The following CPEB3 variants were observed in gnomAD, a reference collection of about 807,000 sequenced individuals.
The protein encoded by CPEB3 is cytoplasmic polyadenylation element binding protein 3.
Under a neutral mutation model 67.2 loss-of-function variants are expected in CPEB3, and 20 were observed. That is an observed-to-expected ratio of 0.30 (90% CI 0.21 to 0.43). CPEB3 has a LOEUF of 0.43. Ranked by LOEUF, CPEB3 falls within the 20% of genes least tolerant of loss-of-function variation. The pLI, the probability that CPEB3 is intolerant of heterozygous loss-of-function variation, is 1.00. For synonymous variants in CPEB3, 376 were observed against 393.1 expected, an observed-to-expected ratio of 0.96 and a Z score of 0.51; for missense variants, 746 against 968.6, an observed-to-expected ratio of 0.77 and a Z score of 3.05.
At chr10:92,201,645 T>G (rs551345683) in intron 2 of CPEB3, among the ~76,000 whole-genome samples, 13 of 152,200 alleles carry the variant, frequency 8.5e-5, no homozygotes, top group Non-Finnish European at 1.3e-4. Flanking sequence ...CCCAAATCAT[T>G]GGGTTGTTAG....
chr10:92,261,177 T>C (rs986163142), intron 1 of CPEB3, among the ~76,000 whole-genome samples: 1 of 152,196 alleles, frequency 6.6e-6, no homozygotes, highest in Admixed American at 6.5e-5. Context: ...TTGTGTAATA[T>C]CAGTGTCTTA....
At position 92,240,371 on chromosome 10, in the gene CPEB3, G is replaced by GA. The variant is rs1295419618; in HGVS notation, c.-11-11dup. The GA allele has an allele frequency of 7.0e-6, 10 of 1,438,352 alleles. No homozygotes were observed. The highest frequency in any genetic ancestry group is 6.4e-6 in the Non-Finnish European group (7 of 1,091,544). 89.1% of individuals were successfully genotyped at this position (1,438,352 alleles called of 1,614,324 possible). On this transcript the variant is annotated splice_polypyrimidine_tract_variant and intron_variant, in intron 1 of 9. Coordinates refer to ENST00000265997, the MANE Select transcript of CPEB3 (RefSeq NM_014912.5). Reference sequence around the variant, plus strand: ...TGCATGGTTTGCGCAGCTGAAACGGGAAAAAAGAGAGACGCGTTATTGTCA... The same window carrying GA: ...TGCATGGTTTGCGCAGCTGAAACGGGAAAAAAAGAGAGACGCGTTATTGTCA...
chr10:92,152,584 A>G (rs1324071381), intron 4 of CPEB3, among the ~76,000 whole-genome samples: 1 of 152,244 alleles, frequency 6.6e-6, no homozygotes, highest in Admixed American at 6.5e-5. Context: ...GGAAGAGAAT[A>G]TATGAAACAA....
chr10:92,234,368 C>T (rs1564892490), intron 2 of CPEB3, among the ~76,000 whole-genome samples: 1 of 152,162 alleles, frequency 6.6e-6, no homozygotes, highest in Non-Finnish European at 1.5e-5. Flanking sequence ...TTCATGGTGG[C>T]ATACTTACAG....
intron 1 of CPEB3, among the ~76,000 whole-genome samples, chr10:92,261,451 T>C (rs944663470): frequency 6.6e-6 from 1 of 152,032 alleles, no homozygotes; most frequent in Admixed American, 6.6e-5. Flanking sequence ...TTTGTTTTGT[T>C]TTGTTTTGTT....
At chr10:92,270,490 A>G (rs557745752) in intron 1 of CPEB3, among the ~76,000 whole-genome samples, 3 of 152,042 alleles carry the variant, frequency 2.0e-5, no homozygotes, top group Non-Finnish European at 4.4e-5. Context: ...AGGAGTGGGT[A>G]GAAGAGAAAA....
At chr10:92,290,747 C>T (rs182425204) in intron 1 of CPEB3, among the ~76,000 whole-genome samples, 179 bp downstream of exon 1, 160 of 152,270 alleles carry the variant, frequency 1.1e-3, no homozygotes, top group Middle Eastern at 0.01. Context: ...CTGGCTCCAG[C>T]GCCGGGGGCT....
At chr10:92,177,704 G>A (rs1848284130) in intron 4 of CPEB3, among the ~76,000 whole-genome samples, 1 of 152,160 alleles carries the variant, frequency 6.6e-6, no homozygotes, top group Admixed American at 6.5e-5. Context: ...ATTCTTGGAG[G>A]AAGGTATAAC....
chr10:92,180,540 C>T (rs1848415950), intron 4 of CPEB3, among the ~76,000 whole-genome samples: 2 of 152,166 alleles, frequency 1.3e-5, no homozygotes, highest in African/African-American at 2.4e-5. Flanking sequence ...GCCTTTGTAG[C>T]ACAAAAGTAG....
At chr10:92,276,277 C>CTTTTTTTTTTTTTTTT (rs769749643) in intron 1 of CPEB3, among the ~76,000 whole-genome samples, 2 of 108,270 alleles carry the variant, frequency 1.8e-5, no homozygotes, top group Non-Finnish European at 3.5e-5. Flanking sequence ...TTTTTCTTTT[C>CTTTTTTTTTTTTTTTT]TTTTTTTTTT....
intron 6 of CPEB3, among the ~76,000 whole-genome samples, chr10:92,129,852 G>T (rs532773181): frequency 2.0e-4 from 31 of 152,130 alleles, no homozygotes; most frequent in African/African-American, 7.5e-4. Flanking sequence ...GAACAGCCCA[G>T]GCAACAGAGC....
At chr10:92,053,979 C>A (rs1842018836) in intron 9 of CPEB3, among the ~76,000 whole-genome samples, 1 of 152,186 alleles carries the variant, frequency 6.6e-6, no homozygotes, top group Non-Finnish European at 1.5e-5. Context: ...AGCCACCATG[C>A]CTGGTCGAAA....
intron 6 of CPEB3, among the ~76,000 whole-genome samples, chr10:92,127,781 G>T (rs547178532): frequency 6.6e-6 from 1 of 152,156 alleles, no homozygotes; most frequent in African/African-American, 2.4e-5. Context: ...GAATAGCAAA[G>T]TAGTCAGTGT....
intron 2 of CPEB3, among the ~76,000 whole-genome samples, chr10:92,211,874 TTTC>T (rs1282293260): frequency 6.7e-6 from 1 of 150,186 alleles, no homozygotes; most frequent in Non-Finnish European, 1.5e-5. Flanking sequence ...CATATATCTT[TTTC>T]TTTTTTTGAG....
At chr10:92,169,494 T>C (rs1302011323) in intron 4 of CPEB3, among the ~76,000 whole-genome samples, 2 of 152,158 alleles carry the variant, frequency 1.3e-5, no homozygotes. Context: ...CAGAGCCTTC[T>C]CTCCCCCAGT....
At chr10:92,109,033 C>T (rs1248339441) in intron 7 of CPEB3, among the ~76,000 whole-genome samples, 1 of 152,200 alleles carries the variant, frequency 6.6e-6, no homozygotes, top group African/African-American at 2.4e-5. Context: ...GCGTGTTCAT[C>T]TCTAGCTTCT....
chr10:92,278,270 A>G (rs939541028), intron 1 of CPEB3, among the ~76,000 whole-genome samples: 11 of 152,176 alleles, frequency 7.2e-5, no homozygotes, highest in Non-Finnish European at 1.2e-4. Flanking sequence ...TTTTCTATAA[A>G]GAAGTCAGAT....
chr10:92,068,467 A>G (rs540871399), intron 9 of CPEB3, among the ~76,000 whole-genome samples: 7 of 152,322 alleles, frequency 4.6e-5, no homozygotes, highest in African/African-American at 1.7e-4. Flanking sequence ...AGGGGTTTCA[A>G]CAAGTAGGAA....
chr10:92,112,570 AG>A (rs1324929344), intron 6 of CPEB3, among the ~76,000 whole-genome samples: 1 of 152,234 alleles, frequency 6.6e-6, no homozygotes, highest in African/African-American at 2.4e-5. Context: ...CAAGGAGCAA[AG>A]GCCCAACTTG....
Sources: gnomAD v4.1 joint callset for allele counts (sites outside exome capture counted in the v4.1 genomes callset) on GRCh38, gnomAD v4.1.1 for gene constraint, MANE v1.5 for transcripts, NCBI Gene and HGNC (gene_info 2026-07-23, HGNC 2026-07-21) for gene names.